ST18: variants seen among roughly 807,000 people sequenced by gnomAD.
The protein encoded by ST18 is ST18 C2H2C-type zinc finger transcription factor.
Under a neutral mutation model 110.0 loss-of-function variants are expected in ST18, and 50 were observed. The observed-to-expected ratio is 0.45, with a 90% CI of 0.36 to 0.58. ST18 has a LOEUF of 0.58. Ranked by LOEUF, ST18 falls within the 20% of genes least tolerant of loss-of-function variation. The pLI is 0.00. For synonymous variants in ST18, 461 were observed against 452.4 expected, an observed-to-expected ratio of 1.02 and a Z score of -0.24; for missense variants, 1,306 against 1,280.1, an observed-to-expected ratio of 1.02 and a Z score of -0.31.
intron 3 of ST18, among the ~76,000 whole-genome samples, chr8:52,228,737 G>A (rs971027709): frequency 2.6e-5 from 4 of 151,990 alleles, no homozygotes; most frequent in Admixed American, 1.3e-4. Context: ...CACCTTACCC[G>A]GGGTTCACAC....
At chr8:52,265,510 C>G (rs2094840020) in intron 2 of ST18, among the ~76,000 whole-genome samples, 4 of 152,320 alleles carry the variant, frequency 2.6e-5, no homozygotes. Context: ...TGAAACAAAG[C>G]AGGCAGCCAG....
chr8:52,262,145 G>C (rs1279339714), intron 2 of ST18, among the ~76,000 whole-genome samples: 1 of 152,154 alleles, frequency 6.6e-6, no homozygotes, highest in African/African-American at 2.4e-5. Context: ...GAGAGACCTT[G>C]CTTTTAAAAC....
chr8:52,144,049 C>T (rs2056313761), intron 16 of ST18, among the ~76,000 whole-genome samples: 1 of 151,874 alleles, frequency 6.6e-6, no homozygotes, highest in African/African-American at 2.4e-5. Flanking sequence ...ATTTTCATGC[C>T]CTTCTCTTAA....
chr8:52,130,119 A>AAG (rs1554585622), intron 22 of ST18, among the ~76,000 whole-genome samples: 1 of 105,242 alleles, frequency 9.5e-6, no homozygotes, highest in African/African-American at 4.1e-5. Context: ...AGAAAGAAAG[A>AAG]AAAGAAAGAA....
intron 2 of ST18, among the ~76,000 whole-genome samples, chr8:52,243,098 G>A (rs2093573118): frequency 6.6e-6 from 1 of 152,130 alleles, no homozygotes; most frequent in African/African-American, 2.4e-5. Context: ...CAGAGCTGAA[G>A]CTCCTGTGAT....
chr8:52,389,921 T>G (rs140406637), intron 2 of ST18, among the ~76,000 whole-genome samples: 1 of 152,078 alleles, frequency 6.6e-6, no homozygotes, highest in Non-Finnish European at 1.5e-5. Context: ...TTCCGTATAT[T>G]TACTCCAACA....
chr8:52,130,119 A>AAAAGAAAGACAGAAAG lies in ST18; in HGVS notation c.2666+1838_2666+1839insCTTTCTGTCTTTCTTT, dbSNP rs1554585598. 1.0e-4 allele frequency among the ~76,000 whole-genome samples: 11 copies of AAAAGAAAGACAGAAAG among 105,164 alleles called. 1 individual carries two copies. The highest frequency in any genetic ancestry group is 3.3e-4 in the African/African-American group (8 of 24,256). 69.0% of individuals were successfully genotyped at this position (105,164 alleles called of 152,430 possible). A position where few individuals can be genotyped will look rare whatever the true frequency, so the allele number is the denominator to read the frequency against. ...AAAAGAAAGAAAGAAAGAAAGAAAGAAAAGAAAGAAAGAAAGAAAGAAAGA... is the reference window on the plus strand; with the variant it reads ...AAAAGAAAGAAAGAAAGAAAGAAAGAAAAGAAAGACAGAAAGAAAGAAAGAAAGAAAGAAAGAAAGA... On this transcript the variant is annotated intron_variant, in intron 22 of 25. Transcript: ENST00000689386.
intron 2 of ST18, among the ~76,000 whole-genome samples, chr8:52,349,100 T>C (rs1819096579): frequency 6.6e-6 from 1 of 152,176 alleles, no homozygotes; most frequent in African/African-American, 2.4e-5. Flanking sequence ...TGCCTTTCCA[T>C]GCCTTGCTCG....
intron 2 of ST18, among the ~76,000 whole-genome samples, chr8:52,336,189 C>A (rs1811968208): frequency 6.6e-6 from 1 of 152,084 alleles, no homozygotes; most frequent in African/African-American, 2.4e-5. Context: ...CCCTCTGTTG[C>A]CCAGGCTGGA....
intron 15 of ST18, 106 bp from the exon 16 acceptor site, chr8:52,150,083 A>G: frequency 7.1e-7 from 1 of 1,417,334 alleles, no homozygotes; most frequent in Non-Finnish European, 9.5e-7. Flanking sequence ...TTATGTAAGT[A>G]TATCTGCTTT....
chr8:52,371,692 T>C (rs547160111), intron 2 of ST18, among the ~76,000 whole-genome samples: 1 of 152,314 alleles, frequency 6.6e-6, no homozygotes, highest in African/African-American at 2.4e-5. Context: ...AATACAATCA[T>C]GCATTCCAGT....
chr8:52,279,504 G>C (rs1350651745), intron 2 of ST18, among the ~76,000 whole-genome samples: 1 of 152,130 alleles, frequency 6.6e-6, no homozygotes, highest in African/African-American at 2.4e-5. Flanking sequence ...TATTCAACGA[G>C]AAGTTGGGTG....
intron 2 of ST18, among the ~76,000 whole-genome samples, chr8:52,268,948 C>T (rs906731434): frequency 9.9e-5 from 15 of 152,180 alleles, no homozygotes; most frequent in South Asian, 8.3e-4. Flanking sequence ...CAGAACACAG[C>T]GGGCAGTGCC....
At chr8:52,306,142 T>C (rs2095809210) in intron 2 of ST18, among the ~76,000 whole-genome samples, 2 of 152,188 alleles carry the variant, frequency 1.3e-5, no homozygotes, top group South Asian at 4.1e-4. Flanking sequence ...CCCACATCCG[T>C]GTTGCTCATT....
In ST18 at chr8:52,225,450, G is replaced by A. The variant is rs527870242; in HGVS notation, c.-418-3657C>T. On this transcript the variant is annotated intron_variant, in intron 3 of 25. Coordinates refer to ENST00000689386, the MANE Select transcript of ST18 (RefSeq NM_001352837.2). Reference sequence around the variant, plus strand: ...GACCAGCGAAATGGTTAATGCAAATGGATTTATAATTTGCTTTGGGGGGCC... The same window carrying A: ...GACCAGCGAAATGGTTAATGCAAATAGATTTATAATTTGCTTTGGGGGGCC... Among the ~76,000 whole-genome samples, 18 of 152,284 alleles carry A rather than the reference G, an allele frequency of 1.2e-4. No homozygotes were observed. In the South Asian group the frequency reaches 3.7e-3, roughly 32 times the overall value.
intron 2 of ST18, among the ~76,000 whole-genome samples, chr8:52,361,603 G>T (rs1161007737): frequency 6.6e-6 from 1 of 152,062 alleles, no homozygotes; most frequent in Non-Finnish European, 1.5e-5. Flanking sequence ...TCATAAAGTG[G>T]CATGAATTAT....
intron 8 of ST18, among the ~76,000 whole-genome samples, chr8:52,181,140 A>T (rs2069332797): frequency 6.6e-6 from 1 of 152,220 alleles, no homozygotes; most frequent in Admixed American, 6.5e-5. Flanking sequence ...ATCCATGAAA[A>T]TCAGAGGGTT....
intron 2 of ST18, among the ~76,000 whole-genome samples, chr8:52,339,892 C>T (rs1198054833): frequency 3.3e-5 from 5 of 152,220 alleles, no homozygotes; most frequent in Admixed American, 3.3e-4. Context: ...TTTTCTCACC[C>T]TTTGATATTG....
At chr8:52,193,671 TAC>T (rs2075295294) in intron 8 of ST18, among the ~76,000 whole-genome samples, 1 of 152,246 alleles carries the variant, frequency 6.6e-6, no homozygotes, top group African/African-American at 2.4e-5. Context: ...GGGGAAAAGT[TAC>T]AGTCTTGTGC....
Sources: gnomAD v4.1 joint callset for allele counts (sites outside exome capture counted in the v4.1 genomes callset) on GRCh38, gnomAD v4.1.1 for gene constraint, MANE v1.5 for transcripts, NCBI Gene and HGNC (gene_info 2026-07-23, HGNC 2026-07-21) for gene names.